C11orf65: variants seen among roughly 807,000 people sequenced by gnomAD.
C11orf65 encodes chromosome 11 open reading frame 65.
C11orf65 carries 38 observed loss-of-function variants against 35.3 expected under a neutral mutation model. The observed-to-expected ratio is 1.08, with a 90% CI of 0.83 to 1.41. The LOEUF (loss-of-function observed/expected upper bound fraction) is 1.41, where lower values mean the gene tolerates loss of function less well. Among genes scored for constraint, C11orf65 ranks in the 40% most tolerant of loss-of-function variants. The pLI, the probability that C11orf65 is intolerant of heterozygous loss-of-function variation, is 0.00. For missense variants in C11orf65, 370 were observed against 367.1 expected (o/e 1.01, Z -0.06); for synonymous variants, 105 against 114.4 (o/e 0.92, Z 0.53).
intron 6 of C11orf65, among the ~76,000 whole-genome samples, chr11:108,320,396 A>C (rs149623228): frequency 2.4e-4 from 37 of 152,326 alleles, no homozygotes; most frequent in African/African-American, 8.4e-4. Flanking sequence ...CTCACGGTTA[A>C]TACTTACAAA....
rs60928526 is a variant in C11orf65, at chr11:108,459,726, T to TACACACACACACACACAC, written c.81+1735_81+1752dup. On this transcript the variant is annotated intron_variant, in intron 2 of 8. Transcript: ENST00000393084. The stretch of plus-strand genomic sequence containing the variant: ...AGAAGGTGAAAATGTGTCCTCCGTC[T>TACACACACACACACACAC]ACACACACACACACACACACACACA... 8.0e-3 allele frequency among the ~76,000 whole-genome samples: 1,114 copies of TACACACACACACACACAC among 138,638 alleles called. 13 individuals carry two copies. Among genetic ancestry groups the TACACACACACACACACAC allele is most frequent in the Non-Finnish European group, 0.013 (843 of 64,344 alleles). The allele number at this position is 138,638 out of a possible 152,430, so 91.0% of individuals were successfully genotyped here.
chr11:108,325,340 A>G lies in C11orf65; in HGVS notation c.641-16269T>C, dbSNP rs863224297. 1.2e-6 allele frequency: 2 copies of G among 1,608,672 alleles called. No homozygotes were observed. The highest frequency in any genetic ancestry group is 1.7e-6 in the Non-Finnish European group (2 of 1,178,460). On this transcript the variant is annotated intron_variant, in intron 6 of 6. Coordinates refer to the C11orf65 transcript ENST00000525729. ...TCACACATAGACAACTCTCTGAAGT[A>G]TATATTAAGTGGCAGAAACACTCCC...
chr11:108,383,853 G>C (rs955630246), intron 8 of C11orf65, among the ~76,000 whole-genome samples: 2 of 145,904 alleles, frequency 1.4e-5, no homozygotes, highest in African/African-American at 5.1e-5. Context: ...TTTTAACTCA[G>C]TAACTTATAT....
chr11:108,317,572 A>G (rs370827200), intron 6 of C11orf65: 2 of 1,515,232 alleles, frequency 1.3e-6, no homozygotes, highest in Non-Finnish European at 1.8e-6. Context: ...CTCATTCTAA[A>G]CAACAACTGT....
intron 2 of C11orf65, among the ~76,000 whole-genome samples, chr11:108,435,103 A>G (rs2093043277): frequency 6.6e-6 from 1 of 152,232 alleles, no homozygotes; most frequent in African/African-American, 2.4e-5. Flanking sequence ...GAATTTGGGA[A>G]TTAAGTGGTA....
chr11:108,417,134 T>G (rs2092746056), intron 3 of C11orf65, among the ~76,000 whole-genome samples: 1 of 152,038 alleles, frequency 6.6e-6, no homozygotes, highest in African/African-American at 2.4e-5. Flanking sequence ...AGAGAGTAAA[T>G]AGTAACAGGG....
intron 3 of C11orf65, among the ~76,000 whole-genome samples, chr11:108,413,559 G>C (rs1320466234): frequency 6.6e-6 from 1 of 152,110 alleles, no homozygotes; most frequent in Non-Finnish European, 1.5e-5. Flanking sequence ...CTTCAGTACT[G>C]TCCTGAACTT....
intron 2 of C11orf65, among the ~76,000 whole-genome samples, chr11:108,443,968 T>G (rs1425843203): frequency 2.6e-5 from 4 of 151,748 alleles, no homozygotes; most frequent in Non-Finnish European, 4.4e-5. Context: ...ATAACTAAGT[T>G]CAGAGCGGAA....
At chr11:108,436,096 A>C (rs542806631) in intron 2 of C11orf65, among the ~76,000 whole-genome samples, 1 of 151,870 alleles carries the variant, frequency 6.6e-6, no homozygotes, top group South Asian at 2.1e-4. Flanking sequence ...TTGCTCCAGG[A>C]AAGGATTTTA....
At chr11:108,419,073 C>T (rs2092779823) in intron 3 of C11orf65, among the ~76,000 whole-genome samples, 1 of 152,062 alleles carries the variant, frequency 6.6e-6, no homozygotes, top group Admixed American at 6.6e-5. Context: ...ATGAAAATAA[C>T]ACTCAATGTG....
intron 2 of C11orf65, among the ~76,000 whole-genome samples, chr11:108,437,638 AGGC>A (rs1394935789): frequency 7.3e-6 from 1 of 136,460 alleles, no homozygotes; most frequent in Non-Finnish European, 1.5e-5. Flanking sequence ...CGGGAGGCAG[AGGC>A]AGAGGTTGCA....
intron 1 of C11orf65, among the ~76,000 whole-genome samples, chr11:108,466,499 A>T (rs2093540274): frequency 6.6e-6 from 1 of 152,168 alleles, no homozygotes; most frequent in African/African-American, 2.4e-5. Context: ...ACTTGAACCC[A>T]GGAGGCAGAG....
At chr11:108,442,558 T>C (rs1028223020) in intron 2 of C11orf65, among the ~76,000 whole-genome samples, 2 of 152,108 alleles carry the variant, frequency 1.3e-5, no homozygotes. Context: ...GGAAAAAATA[T>C]TAAGGGCAGC....
At chr11:108,375,184 G>A (rs1591413724) in intron 2 of C11orf65, among the ~76,000 whole-genome samples, 1 of 151,750 alleles carries the variant, frequency 6.6e-6, no homozygotes, top group South Asian at 2.1e-4. Context: ...ACACATAATT[G>A]TCAGATTCAC....
chr11:108,409,727 C>T (rs1048053636), intron 3 of C11orf65, among the ~76,000 whole-genome samples: 1 of 152,136 alleles, frequency 6.6e-6, no homozygotes, highest in Non-Finnish European at 1.5e-5. Flanking sequence ...AGGAGCATTA[C>T]TGCCTGAGCT....
rs184098307 is a variant in C11orf65 at position 108,401,761 on chromosome 11, C to G, written c.560+3668G>C. Among the ~76,000 whole-genome samples the G allele has an allele frequency of 9.2e-5, 14 of 152,310 alleles. No homozygotes were observed. The East Asian group carries it at 2.5e-3, about 27-fold the overall frequency. ...TAACAAATATCCTCCTCTACCCCAT[C>G]GGTCTCTCTGATTCCTTATCAATCC... On this transcript the variant is annotated intron_variant, in intron 6 of 8. Coordinates refer to ENST00000393084, the MANE Select transcript of C11orf65 (RefSeq NM_152587.5).
Position 108,354,062 on chromosome 11 carries a change from CACACACAA to C in C11orf65, c.227-18778_227-18771del, listed in dbSNP as rs1379004351. On this transcript the variant is annotated intron_variant, in intron 2 of 3. Transcript: ENST00000524755. ...AAGACCCTGTATCTAAAAAAATACA[CACACACAA>C]ACACACACACACACACACACACACA... 0.027 allele frequency among the ~76,000 whole-genome samples: 2,695 copies of C among 101,080 alleles called. 76 individuals are homozygous for C. Among genetic ancestry groups the C allele is most frequent in the African/African-American group, 0.09 (2,434 of 27,118 alleles). The allele number at this position is 101,080 out of a possible 152,430, so 66.3% of individuals were successfully genotyped here. A position where few individuals can be genotyped will look rare whatever the true frequency, so the allele number is the denominator to read the frequency against.
chr11:108,405,364 C>T lies in C11orf65; in HGVS notation c.560+65G>A. 5 of 1,542,422 alleles carry T rather than the reference C, an allele frequency of 3.2e-6. No individual in the cohort carries two copies. In the South Asian group the frequency reaches 4.9e-5, roughly 15 times the overall value. On this transcript the variant is annotated intron_variant, in intron 6 of 8. Transcript: ENST00000393084. ...TGCCCTCTTGTGAGGAGCAATACCT[C>T]ATTTCAAATTTGTTTTTTTCCCAAA...
chr11:108,450,271 T>C (rs561200796), intron 2 of C11orf65, among the ~76,000 whole-genome samples: 2 of 152,012 alleles, frequency 1.3e-5, no homozygotes, highest in African/African-American at 4.8e-5. Flanking sequence ...GACCCAGCCA[T>C]CCCATTACTG....
Sources: allele counts gnomAD v4.1 joint callset (sites outside exome capture counted in the v4.1 genomes callset), GRCh38; gene constraint gnomAD v4.1.1; transcripts MANE v1.5; gene names NCBI Gene and HGNC (gene_info 2026-07-23, HGNC 2026-07-21).